DCHS2: variants seen among roughly 807,000 people sequenced by gnomAD.
DCHS2 encodes the protein protocadherin-23.
In DCHS2, 142 loss-of-function variants were observed where a neutral mutation model predicts 182.4. That is an observed-to-expected ratio of 0.78 (90% confidence interval 0.68 to 0.89). DCHS2 has a LOEUF of 0.89. Ranked by LOEUF, DCHS2 falls within the 40% of genes least tolerant of loss-of-function variation. The pLI, the probability that DCHS2 is intolerant of heterozygous loss-of-function variation, is 0.00. For missense variants in DCHS2, 4,319 were observed against 4,198.6 expected (o/e 1.03, Z -0.79); for synonymous variants, 1,740 against 1,663.3 (o/e 1.05, Z -1.12).
chr4:154,331,156 A>G (rs890791610), intron 5 of DCHS2, among the ~76,000 whole-genome samples: 4 of 152,174 alleles, frequency 2.6e-5, no homozygotes, highest in Non-Finnish European at 5.9e-5. Context: ...ACAGTTTACA[A>G]GCACGTAGTG....
At chr4:154,488,317 A>G (rs1224677591) in intron 1 of DCHS2, among the ~76,000 whole-genome samples, 1 of 152,140 alleles carries the variant, frequency 6.6e-6, no homozygotes, top group Non-Finnish European at 1.5e-5. Context: ...ATCAAAAAGC[A>G]GTGTACAGTG....
intron 1 of DCHS2, among the ~76,000 whole-genome samples, chr4:154,385,463 G>T (rs1252731071): frequency 6.6e-6 from 1 of 152,018 alleles, no homozygotes; most frequent in Non-Finnish European, 1.5e-5. Flanking sequence ...TGAGTCAAAT[G>T]GCTTTTCTAG....
intron 15 of DCHS2, among the ~76,000 whole-genome samples, chr4:154,257,819 T>TTCTA (rs1237632980): frequency 1.3e-5 from 2 of 152,228 alleles, no homozygotes; most frequent in Non-Finnish European, 2.9e-5. Flanking sequence ...ACAAAGTTCA[T>TTCTA]TCTATCTGTC....
rs758208401 is a variant in DCHS2, at chr4:154,235,246, G to T, written c.9406C>A (p.Pro3136Thr). 1.9e-6 allele frequency: 3 copies of T among 1,614,002 alleles called. No homozygotes were observed. Among genetic ancestry groups the T allele is most frequent in the Non-Finnish European group, 2.5e-6 (3 of 1,179,962 alleles). The change falls in exon 20 of 20, where the codon CCG becomes ACG. Residue 3136 changes from proline (P) to threonine (T), a missense_variant. Physicochemically the swap from Pro to Thr is conservative, Grantham distance 38. Transcript: ENST00000357232. ...CAGGAGAGCTGGTCTGAGTCCCTCG[G>T]GATACCCGAGTCTGGCACCCTGGAC... ...HESRVPDSGI[P>T]RDSDQLSCLS...
chr4:154,419,906 C>T (rs1579066345), intron 1 of DCHS2, among the ~76,000 whole-genome samples: 2 of 150,306 alleles, frequency 1.3e-5, no homozygotes, highest in South Asian at 4.2e-4. Context: ...GGGAAGTGGA[C>T]ATATATAGGC....
At chr4:154,377,170 G>A (rs905557496) in intron 2 of DCHS2, 83 bp downstream of exon 2, 100 of 1,325,200 alleles carry the variant, frequency 7.5e-5, no homozygotes, top group Non-Finnish European at 9.8e-5. Flanking sequence ...CCCAATTGTT[G>A]ATCATCATTG....
At chr4:154,271,225 G>T (rs1733574866) in intron 13 of DCHS2, among the ~76,000 whole-genome samples, 1 of 152,114 alleles carries the variant, frequency 6.6e-6, no homozygotes, top group Admixed American at 6.6e-5. Flanking sequence ...GAATGGGAGA[G>T]CTTGAGAGCC....
chr4:154,359,047 T>C (rs972556038), intron 3 of DCHS2, among the ~76,000 whole-genome samples: 61 of 151,946 alleles, frequency 4.0e-4, no homozygotes, highest in African/African-American at 1.4e-3. Flanking sequence ...TTTTAATACT[T>C]TAAAGTACAG....
In DCHS2 at chr4:154,298,595, C is replaced by T. The variant is rs926683242; in HGVS notation, c.5719G>A (p.Asp1907Asn). 2.5e-6 allele frequency: 4 copies of T among 1,614,002 alleles called. No individual in the cohort carries two copies. Among genetic ancestry groups the T allele is most frequent in the Non-Finnish European group, 3.4e-6 (4 of 1,180,006 alleles). The part of the protein sequence containing the change: ...SNFTLVILCS[D>N]LGDPPRSSVI... ...GAGCTCCTAGGTGGATCTCCCAGGTCAGAGCACAGAATGACAAGGGTAAAA... is the reference window on the plus strand; with the variant it reads ...GAGCTCCTAGGTGGATCTCCCAGGTTAGAGCACAGAATGACAAGGGTAAAA... Residue 1907 changes from aspartate to asparagine, a missense_variant, in exon 13 of 20, where the codon GAC becomes AAC. Asp to Asn is a conservative substitution (Grantham distance 23). Coordinates refer to ENST00000357232, the MANE Select transcript of DCHS2 (RefSeq NM_001358235.2).
chr4:154,237,136 CG>C lies in DCHS2; in HGVS notation c.7515del (p.Val2506TyrfsTer24). 6.2e-7 allele frequency: 1 copy of C among 1,611,830 alleles called. No homozygotes were observed. Among genetic ancestry groups the C allele is most frequent in the East Asian group, 2.2e-5 (1 of 44,792 alleles). On this transcript the variant is annotated frameshift_variant, in exon 20 of 20. Transcript: ENST00000357232. LOFTEE classifies it low-confidence loss of function (END_TRUNC). ...GTTGATATTGTATCCAGAAGTAATACGGGACTGATAGTAAATATTGTGCCTG... is the reference window on the plus strand; with the variant it reads ...GTTGATATTGTATCCAGAAGTAATACGGACTGATAGTAAATATTGTGCCTG... ...PKNGTIFTIS[P>X]VLLLDTISTT... is the part of the protein sequence containing the mutation.
intron 5 of DCHS2, among the ~76,000 whole-genome samples, chr4:154,330,346 C>G (rs913306535): frequency 9.0e-5 from 13 of 145,182 alleles, no homozygotes; most frequent in South Asian, 6.8e-4. Context: ...ATACATGTAG[C>G]AGTGGATAGT....
chr4:154,391,669 G>T (rs1731713059), intron 1 of DCHS2, among the ~76,000 whole-genome samples: 1 of 152,142 alleles, frequency 6.6e-6, no homozygotes, highest in Admixed American at 6.6e-5. Flanking sequence ...GGATTGTATT[G>T]CAAGAATCCA....
At chr4:154,366,118 A>G (rs935322717) in intron 3 of DCHS2, 92 bp downstream of exon 3, 13 of 1,000,648 alleles carry the variant, frequency 1.3e-5, no homozygotes, top group East Asian at 1.3e-4. Context: ...CCCATTATTG[A>G]AAAAAAGTCA....
intron 1 of DCHS2, among the ~76,000 whole-genome samples, chr4:154,454,853 G>A (rs1419491356): frequency 6.6e-6 from 1 of 152,196 alleles, no homozygotes; most frequent in African/African-American, 2.4e-5. Flanking sequence ...CTAACCCTGT[G>A]ACCTGGATCT....
At position 154,366,288 on chromosome 4, in the gene DCHS2, A is replaced by G; in HGVS notation, c.2398T>C (p.Ser800Pro). ...TAAGCCACTGTCCCATATATCCCAG[A>G]GTCCTGGTCAGTGGCAAGAACATTG... The part of the protein sequence containing the change: ...IINVLATDQD[S>P]GIYGTVAYEL... Residue 800 changes from serine to proline, a missense_variant, in exon 3 of 20, where the codon TCT becomes CCT. Ser to Pro is a moderately conservative substitution (Grantham distance 74). Transcript: ENST00000357232. 1 of 1,613,806 alleles carries G rather than the reference A, an allele frequency of 6.2e-7. No individual in the cohort carries two copies. Among genetic ancestry groups the G allele is most frequent in the Non-Finnish European group, 8.5e-7 (1 of 1,179,932 alleles).
In DCHS2 at chr4:154,490,343, CG is replaced by C; in HGVS notation, c.1012del (p.Arg338GlyfsTer24). Reference sequence around the variant, plus strand: ...GCCGCTACCCGCCCCAGGCACTTGCCGGGCGCGGACGCTGTAGCGCACGAAG... The same window carrying C: ...GCCGCTACCCGCCCCAGGCACTTGCCGGCGCGGACGCTGTAGCGCACGAAG... ...NGFVRYSVRA[R>X]QVPGAGSGGG... On this transcript the variant is annotated frameshift_variant, in exon 1 of 20. Coordinates refer to ENST00000357232, the MANE Select transcript of DCHS2 (RefSeq NM_001358235.2). LOFTEE classifies it high-confidence loss of function. The C allele has an allele frequency of 6.5e-7, 1 of 1,540,778 alleles. No individual in the cohort carries two copies. The highest frequency in any genetic ancestry group is 8.7e-7 in the Non-Finnish European group (1 of 1,145,738).
chr4:154,332,378 T>C, intron 5 of DCHS2, 100 bp downstream of exon 5: 3 of 1,122,788 alleles, frequency 2.7e-6, no homozygotes, highest in Non-Finnish European at 3.7e-6. Context: ...TTCTCAATCC[T>C]GATTTTGTTT....
At chr4:154,408,846 C>T (rs1028660941) in intron 1 of DCHS2, among the ~76,000 whole-genome samples, 29 of 152,134 alleles carry the variant, frequency 1.9e-4, no homozygotes, top group African/African-American at 6.8e-4. Flanking sequence ...CCCAGCAGTC[C>T]TCATCACCAC....
chr4:154,404,921 C>T (rs1212585197), intron 1 of DCHS2, among the ~76,000 whole-genome samples: 1 of 152,176 alleles, frequency 6.6e-6, no homozygotes, highest in East Asian at 1.9e-4. Flanking sequence ...CCTTCACTCA[C>T]ACCTCTACCC....
Sources: gnomAD v4.1 joint callset for allele counts (sites outside exome capture counted in the v4.1 genomes callset) on GRCh38, gnomAD v4.1.1 for gene constraint, MANE v1.5 for transcripts, NCBI Gene and HGNC (gene_info 2026-07-23, HGNC 2026-07-21) for gene names.